Variants in FLT3 observed in about 807,000 individuals in gnomAD.
FLT3 encodes the protein receptor-type tyrosine-protein kinase FLT3.
Under a neutral mutation model 126.6 loss-of-function variants are expected in FLT3, and 46 were observed. The observed-to-expected ratio is 0.36, with a 90% confidence interval of 0.29 to 0.46. FLT3 has a LOEUF of 0.46. Ranked by LOEUF, FLT3 falls within the 20% of genes least tolerant of loss-of-function variation. The pLI is 1.00. For missense variants in FLT3, 1,069 were observed against 1,190.3 expected (o/e 0.90, Z 1.50); for synonymous variants, 404 against 434.4 (o/e 0.93, Z 0.87).
rs1872692851 is a variant in FLT3 at position 28,025,041 on chromosome 13, T to C, written c.2208-98A>G. On this transcript the variant is annotated intron_variant, in intron 17 of 23. Transcript: ENST00000241453. ...TCATCAAATAAATGGATTCCAGTTA[T>C]AAATTGACTTTTAAATTAAAAGCAC... 9.5e-6 allele frequency: 7 copies of C among 736,504 alleles called. No homozygotes were observed. The Admixed American group carries it at 1.4e-4, about 15-fold the overall frequency. 45.6% of individuals were successfully genotyped at this position (736,504 alleles called of 1,614,324 possible).
intron 11 of FLT3, 45 bp downstream of exon 11, chr13:28,035,890 A>T: frequency 1.4e-6 from 2 of 1,439,540 alleles, no homozygotes; most frequent in Non-Finnish European, 2.0e-6. Flanking sequence ...TAGGTCAGAG[A>T]GTTTTATGTT....
At chr13:28,091,370 C>G (rs530474766) in intron 1 of FLT3, among the ~76,000 whole-genome samples, 2 of 149,050 alleles carry the variant, frequency 1.3e-5, no homozygotes, top group African/African-American at 2.5e-5. Context: ...TACAGGCGCC[C>G]GCCACCACGC....
chr13:28,060,240 CA>C (rs71086821), intron 3 of FLT3, among the ~76,000 whole-genome samples: 3,768 of 113,032 alleles, frequency 0.033, 116 homozygotes, highest in African/African-American at 0.095. Flanking sequence ...ACTAAAAATA[CA>C]AAAAAAAAAA....
At chr13:28,027,313 C>T (rs1010128075) in intron 16 of FLT3, 72 bp from the exon 17 acceptor site, 1 of 1,265,040 alleles carries the variant, frequency 7.9e-7, no homozygotes, top group African/African-American at 1.5e-5. Context: ...ATGTAGCAGA[C>T]AACATACTCT....
intron 1 of FLT3, among the ~76,000 whole-genome samples, chr13:28,081,073 C>CT (rs1161488985): frequency 1.3e-5 from 2 of 152,144 alleles, no homozygotes; most frequent in Non-Finnish European, 2.9e-5. Flanking sequence ...TACAAATTCT[C>CT]TAACTTTGTT....
At position 28,035,570 on chromosome 13, in the gene FLT3, T is replaced by G. The variant is rs1216208857; in HGVS notation, c.1522A>C (p.Lys508Gln). ...SSTLNMSEAI[K>Q]GFLVKCCAYN... Reference sequence around the variant, plus strand: ...GCACAGCACTTGACCAGGAACCCTTTTATGGCTTCACTCATGTTTAGAGTA... The same window carrying G: ...GCACAGCACTTGACCAGGAACCCTTGTATGGCTTCACTCATGTTTAGAGTA... Residue 508 changes from lysine (K) to glutamine (Q), a missense_variant, in exon 12 of 24, where the codon AAA becomes CAA. By Grantham distance (53) the Lys-to-Gln change is moderately conservative (BLOSUM62 1). Transcript: ENST00000241453. The G allele has an allele frequency of 6.2e-7, 1 of 1,614,226 alleles. No individual in the cohort carries two copies. The highest frequency in any genetic ancestry group is 2.2e-5 in the East Asian group (1 of 44,884).
intron 18 of FLT3, among the ~76,000 whole-genome samples, chr13:28,024,438 A>C (rs1872645932): frequency 6.6e-6 from 1 of 151,794 alleles, no homozygotes; most frequent in Non-Finnish European, 1.5e-5. Context: ...CCCCTCATTT[A>C]CTCCTTCTAA....
intron 1 of FLT3, among the ~76,000 whole-genome samples, chr13:28,071,515 ACTTT>A (rs1877516600): frequency 6.6e-6 from 1 of 151,348 alleles, no homozygotes; most frequent in African/African-American, 2.4e-5. Flanking sequence ...TCTCCTCTTT[ACTTT>A]CTGTTTGCCC....
chr13:28,038,538 T>C (rs6491251), intron 9 of FLT3, among the ~76,000 whole-genome samples: 117,916 of 150,358 alleles, frequency 0.78, 46,374 homozygotes, highest in East Asian at 0.87. Context: ...CTGCAAGCTC[T>C]GCCTCCCGGG....
Position 28,003,893 on chromosome 13 carries a change from G to A in FLT3, c.*159C>T, listed in dbSNP as rs1221810344. The A allele has an allele frequency of 6.4e-6, 5 of 786,768 alleles. No homozygotes were observed. The highest frequency in any genetic ancestry group is 1.0e-5 in the Non-Finnish European group (5 of 499,700). 48.7% of individuals were successfully genotyped at this position (786,768 alleles called of 1,614,324 possible). A position where few individuals can be genotyped will look rare whatever the true frequency, so the allele number is the denominator to read the frequency against. On this transcript the variant is annotated 3_prime_UTR_variant, in exon 24 of 24. Transcript: ENST00000241453. ...GATTTGATTTTACAAAAGTCCCTTT[G>A]AAAACAAGAGTAAACGCAGACAGCT... is the stretch of plus-strand genomic sequence containing the variant.
intron 19 of FLT3, among the ~76,000 whole-genome samples, chr13:28,020,417 C>G (rs1393421935): frequency 6.6e-6 from 1 of 152,190 alleles, no homozygotes; most frequent in East Asian, 1.9e-4. Context: ...GGTACAATCT[C>G]TGCTCACTGC....
chr13:28,080,513 T>C (rs1430826046), intron 1 of FLT3, among the ~76,000 whole-genome samples: 1 of 152,246 alleles, frequency 6.6e-6, no homozygotes, highest in Non-Finnish European at 1.5e-5. Context: ...CTTACCCTCC[T>C]AACTGAAACT....
chr13:28,050,168 T>C lies in FLT3; in HGVS notation c.669A>G (p.Glu223=). ...VVKKEEKVLH[E]LFGTDIRCCA... ...AGCACCTTATGTCCGTCCCAAATAA[T>C]TCATGAAGCACTTTTTCCTCCTTTT... Residue 223 remains glutamate (E), a synonymous_variant, in exon 6 of 24, where the codon GAA becomes GAG. Transcript: ENST00000241453. The C allele has an allele frequency of 6.2e-7, 1 of 1,614,102 alleles. No homozygotes were observed. Among genetic ancestry groups the C allele is most frequent in the Non-Finnish European group, 8.5e-7 (1 of 1,179,938 alleles).
At chr13:28,014,672 G>T in intron 22 of FLT3, 115 bp from the exon 23 acceptor site, 1 of 698,406 alleles carries the variant, frequency 1.4e-6, no homozygotes, top group Middle Eastern at 3.4e-4. Flanking sequence ...TTTACAGCAT[G>T]TTTGTTTTGT....
At chr13:28,015,529 A>C (rs1871771702) in intron 21 of FLT3, 61 bp downstream of exon 21, 3 of 890,330 alleles carry the variant, frequency 3.4e-6, no homozygotes, top group Non-Finnish European at 3.7e-6. Context: ...GTGGGGCGGC[A>C]CCGAGAGAGC....
At chr13:28,025,531 C>A in intron 17 of FLT3, 1 of 315,210 alleles carries the variant, frequency 3.2e-6, no homozygotes, top group Non-Finnish European at 6.2e-6. Flanking sequence ...TTCTAATATA[C>A]GAGTTTAACC....
chr13:28,092,747 C>G (rs1270274226), intron 1 of FLT3, among the ~76,000 whole-genome samples: 1 of 151,780 alleles, frequency 6.6e-6, no homozygotes, highest in South Asian at 2.1e-4. Context: ...CTGCTTAAAG[C>G]CCTCCAGAAC....
At chr13:28,073,907 T>G (rs1331365193) in intron 1 of FLT3, among the ~76,000 whole-genome samples, 1 of 138,544 alleles carries the variant, frequency 7.2e-6, no homozygotes, top group Non-Finnish European at 1.5e-5. Flanking sequence ...GCCTCTGCAC[T>G]CCAGCCTGGG....
At chr13:28,071,518 TTC>T (rs975269797) in intron 1 of FLT3, among the ~76,000 whole-genome samples, 1 of 152,144 alleles carries the variant, frequency 6.6e-6, no homozygotes, top group Admixed American at 6.6e-5. Flanking sequence ...CCTCTTTACT[TTC>T]TGTTTGCCCA....
Sources: allele counts gnomAD v4.1 joint callset (sites outside exome capture counted in the v4.1 genomes callset), GRCh38; gene constraint gnomAD v4.1.1; transcripts MANE v1.5; gene names NCBI Gene and HGNC (gene_info 2026-07-23, HGNC 2026-07-21).